The following BMERB1 variants were observed in gnomAD, a reference collection of about 807,000 sequenced individuals.
BMERB1 encodes the protein bMERB domain-containing protein 1.
In BMERB1, 12 loss-of-function variants were observed where a neutral mutation model predicts 23.6. That is an observed-to-expected ratio of 0.51 (90% CI 0.33 to 0.82). BMERB1 has a LOEUF of 0.82. Ranked by LOEUF, BMERB1 falls within the 40% of genes least tolerant of loss-of-function variation. BMERB1 has a pLI of 0.03. For missense variants in BMERB1, 247 were observed against 255.4 expected (o/e 0.97, Z 0.22); for synonymous variants, 122 against 96.6 (o/e 1.26, Z -1.54).
rs779783687 is a variant in BMERB1, at chr16:15,434,712, A to G, written c.59A>G (p.Tyr20Cys). ...GAAGCCGAGAAGCCTCTGAGGCGCTATGGGGCGGTGGAGGAGACGGCTTGG... is the reference window on the plus strand; with the variant it reads ...GAAGCCGAGAAGCCTCTGAGGCGCTGTGGGGCGGTGGAGGAGACGGCTTGG... ...HLEAEKPLRR[Y>C]GAVEETAWKT... is the part of the protein sequence containing the mutation. The change falls in exon 1 of 6, where the codon TAT becomes TGT. Residue 20 changes from tyrosine (Y) to cysteine (C), a missense_variant. Coordinates refer to ENST00000300006, the MANE Select transcript of BMERB1 (RefSeq NM_033201.3). The G allele has an allele frequency of 2.7e-5, 42 of 1,571,984 alleles. No individual in the cohort carries two copies. The highest frequency in any genetic ancestry group is 3.6e-5 in the Non-Finnish European group (42 of 1,156,756).
At chr16:15,522,410 G>A (rs2051864058) in intron 2 of BMERB1, among the ~76,000 whole-genome samples, 1 of 151,310 alleles carries the variant, frequency 6.6e-6, no homozygotes, top group Non-Finnish European at 1.5e-5. Flanking sequence ...TGGGGTAATA[G>A]TGCATGCATT....
chr16:15,578,334 G>A (rs775956695), intron 3 of BMERB1, among the ~76,000 whole-genome samples: 15 of 151,724 alleles, frequency 9.9e-5, no homozygotes, highest in Non-Finnish European at 1.8e-4. Context: ...AAGTAGCTGG[G>A]ATTACAGGTT....
At chr16:15,507,089 A>G (rs1230556689) in intron 1 of BMERB1, among the ~76,000 whole-genome samples, 1 of 152,196 alleles carries the variant, frequency 6.6e-6, no homozygotes, top group Non-Finnish European at 1.5e-5. Context: ...AGCAGAAGTA[A>G]AGGCAGAGGT....
At chr16:15,470,316 G>A (rs2051217858) in intron 1 of BMERB1, among the ~76,000 whole-genome samples, 1 of 152,034 alleles carries the variant, frequency 6.6e-6, no homozygotes, top group East Asian at 1.9e-4. Context: ...TACCTGGATT[G>A]TCCCACTTAG....
intron 2 of BMERB1, among the ~76,000 whole-genome samples, chr16:15,561,706 A>C (rs1245663320): frequency 1.3e-5 from 2 of 152,164 alleles, no homozygotes; most frequent in African/African-American, 2.4e-5. Flanking sequence ...CATCTTGGCC[A>C]ACATGGCAAG....
At position 15,543,962 on chromosome 16, in the gene BMERB1, T is replaced by C. The variant is rs991695196; in HGVS notation, c.231-24021T>C. Among the ~76,000 whole-genome samples, 11 of 152,224 alleles carry C rather than the reference T, an allele frequency of 7.2e-5. 1 individual carries two copies. The highest frequency in any genetic ancestry group is 2.7e-4 in the African/African-American group (11 of 41,456). ...TCTTTTCCATGTCATACTGAGGCAC[T>C]GCTTAATGACCTGCCCACGGATGAT... On this transcript the variant is annotated intron_variant, in intron 2 of 5. Transcript: ENST00000300006.
chr16:15,506,010 C>T (rs1391007329), intron 1 of BMERB1, among the ~76,000 whole-genome samples: 1 of 151,722 alleles, frequency 6.6e-6, no homozygotes, highest in Non-Finnish European at 1.5e-5. Context: ...TTTTGTAGCT[C>T]TTTTGACCTT....
intron 1 of BMERB1, among the ~76,000 whole-genome samples, chr16:15,487,715 C>A (rs182046342): frequency 6.6e-6 from 1 of 152,156 alleles, no homozygotes; most frequent in East Asian, 1.9e-4. Context: ...AAACAAGGGG[C>A]GAATTATTCA....
intron 1 of BMERB1, among the ~76,000 whole-genome samples, chr16:15,468,272 A>C (rs1315688252): frequency 6.7e-6 from 1 of 150,084 alleles, no homozygotes; most frequent in Non-Finnish European, 1.5e-5. Flanking sequence ...CAACCTTCCA[A>C]GTAACTGGGA....
chr16:15,491,135 C>T (rs1355424319), intron 1 of BMERB1, among the ~76,000 whole-genome samples: 1 of 152,250 alleles, frequency 6.6e-6, no homozygotes, highest in Non-Finnish European at 1.5e-5. Context: ...CAGGCGTGAG[C>T]CACCACGCCC....
At chr16:15,523,732 G>C (rs1003981940) in intron 2 of BMERB1, among the ~76,000 whole-genome samples, 3 of 152,174 alleles carry the variant, frequency 2.0e-5, no homozygotes, top group Non-Finnish European at 4.4e-5. Flanking sequence ...ACAGACACAG[G>C]TATGAAATTG....
chr16:15,566,870 T>C (rs542152012), intron 2 of BMERB1, among the ~76,000 whole-genome samples: 9 of 152,252 alleles, frequency 5.9e-5, no homozygotes, highest in African/African-American at 2.2e-4. Context: ...TATGATATTA[T>C]AAGCATACGC....
chr16:15,562,420 C>T (rs963370328), intron 2 of BMERB1, among the ~76,000 whole-genome samples: 1 of 152,096 alleles, frequency 6.6e-6, no homozygotes, highest in African/African-American at 2.4e-5. Context: ...AACTCTGCCT[C>T]CTAATCACTA....
At chr16:15,569,979 A>G in intron 3 of BMERB1, among the ~76,000 whole-genome samples, 1 of 152,208 alleles carries the variant, frequency 6.6e-6, no homozygotes, top group East Asian at 1.9e-4. Context: ...ATGTCTCCCA[A>G]AGCTAGCATG....
intron 2 of BMERB1, among the ~76,000 whole-genome samples, chr16:15,538,693 A>G (rs1270736607): frequency 6.6e-6 from 1 of 152,210 alleles, no homozygotes; most frequent in African/African-American, 2.4e-5. Flanking sequence ...TGCCCAGGGC[A>G]TCATTAACCG....
intron 1 of BMERB1, among the ~76,000 whole-genome samples, chr16:15,470,813 C>T (rs761164220): frequency 3.9e-4 from 56 of 145,372 alleles, no homozygotes; most frequent in African/African-American, 4.3e-4. Flanking sequence ...CATGAGCCAC[C>T]GCACCTGGCC....
chr16:15,571,110 T>G (rs2030713385), intron 3 of BMERB1, among the ~76,000 whole-genome samples: 1 of 151,252 alleles, frequency 6.6e-6, no homozygotes. Context: ...TCCTGGGCAT[T>G]CAGCCCAGTA....
chr16:15,435,329 T>A (rs1236206072), intron 1 of BMERB1, among the ~76,000 whole-genome samples: 1 of 152,204 alleles, frequency 6.6e-6, no homozygotes, highest in Non-Finnish European at 1.5e-5. Flanking sequence ...TTCTCTTTTC[T>A]CTCTTGACTC....
At chr16:15,444,316 CTTG>C (rs768694607) in intron 1 of BMERB1, among the ~76,000 whole-genome samples, 3 of 151,488 alleles carry the variant, frequency 2.0e-5, no homozygotes, top group Non-Finnish European at 4.4e-5. Flanking sequence ...TCACTATTCA[CTTG>C]TTGTGGGCGT....
Sources: allele counts gnomAD v4.1 joint callset (sites outside exome capture counted in the v4.1 genomes callset), GRCh38; gene constraint gnomAD v4.1.1; transcripts MANE v1.5; gene names NCBI Gene and HGNC (gene_info 2026-07-23, HGNC 2026-07-21).